Variants in CORIN observed in about 807,000 individuals in gnomAD.
The protein encoded by CORIN is corin, serine peptidase.
CORIN carries 117 observed loss-of-function variants against 125.3 expected under a neutral mutation model. That is an observed-to-expected ratio of 0.93 (90% CI 0.80 to 1.09). The LOEUF is 1.09. Ranked by LOEUF, CORIN falls within the 50% of genes least tolerant of loss-of-function variation. The probability of loss-of-function intolerance (pLI) is 0.00; values close to 1 mark genes in which losing one functional copy is unlikely to be tolerated. For synonymous variants in CORIN, 450 were observed against 466.4 expected (o/e 0.96, Z 0.45); for missense variants, 1,253 against 1,306.7 (o/e 0.96, Z 0.63).
At chr4:47,803,745 T>C (rs913224321) in intron 2 of CORIN, among the ~76,000 whole-genome samples, 6 of 152,176 alleles carry the variant, frequency 3.9e-5, no homozygotes, top group African/African-American at 1.4e-4. Flanking sequence ...CTTCAAACTA[T>C]GAAAATGCTA....
intron 4 of CORIN, among the ~76,000 whole-genome samples, chr4:47,759,873 G>C (rs1365533397): frequency 6.6e-6 from 1 of 152,252 alleles, no homozygotes; most frequent in Non-Finnish European, 1.5e-5. Context: ...TTTAATTATA[G>C]TTCTCTTGCT....
intron 1 of CORIN, among the ~76,000 whole-genome samples, chr4:47,831,063 G>A (rs114166641): frequency 0.017 from 2,591 of 152,282 alleles, 73 homozygotes; most frequent in African/African-American, 0.059. Context: ...CCTGTTGGCC[G>A]ACTGGCCCTT....
intron 5 of CORIN, among the ~76,000 whole-genome samples, chr4:47,707,985 G>C (rs1181826010): frequency 6.6e-6 from 1 of 152,156 alleles, no homozygotes; most frequent in African/African-American, 2.4e-5. Context: ...ACATTCAAGA[G>C]GTGATAACCT....
chr4:47,689,993 T>A (rs905882553), intron 6 of CORIN, among the ~76,000 whole-genome samples: 3 of 152,206 alleles, frequency 2.0e-5, no homozygotes, highest in Non-Finnish European at 4.4e-5. Context: ...ATTTTTCTAC[T>A]GCACCACTAA....
At chr4:47,831,830 T>C (rs1403977527) in intron 1 of CORIN, among the ~76,000 whole-genome samples, 1 of 151,970 alleles carries the variant, frequency 6.6e-6, no homozygotes. Flanking sequence ...GACAAGGTCA[T>C]ACTGGATTAG....
intron 7 of CORIN, chr4:47,683,196 C>T (rs1219436990): frequency 1.3e-5 from 2 of 152,186 alleles, no homozygotes; most frequent in Admixed American, 6.5e-5. Flanking sequence ...GGACATGACT[C>T]TTTAAAAAGT....
At chr4:47,792,933 G>A (rs2109928885) in intron 2 of CORIN, among the ~76,000 whole-genome samples, 1 of 152,318 alleles carries the variant, frequency 6.6e-6, no homozygotes, top group East Asian at 1.9e-4. Flanking sequence ...TAAATCACCA[G>A]TATTGGGGGA....
chr4:47,621,267 T>G (rs766357153), intron 19 of CORIN, among the ~76,000 whole-genome samples: 1 of 152,166 alleles, frequency 6.6e-6, no homozygotes, highest in Non-Finnish European at 1.5e-5. Context: ...AACTTCTTCC[T>G]GGCTTCCTTT....
At chr4:47,666,139 C>T (rs1239774709) in intron 10 of CORIN, among the ~76,000 whole-genome samples, 2 of 152,168 alleles carry the variant, frequency 1.3e-5, no homozygotes, top group Non-Finnish European at 2.9e-5. Flanking sequence ...AGCACAAATA[C>T]CTCTTCCAGG....
intron 5 of CORIN, among the ~76,000 whole-genome samples, chr4:47,699,833 T>C (rs1040246502): frequency 1.3e-5 from 2 of 152,228 alleles, no homozygotes; most frequent in African/African-American, 4.8e-5. Context: ...TTGCTCTTAG[T>C]AGGACAACAG....
chr4:47,718,406 A>T (rs548030957), intron 5 of CORIN, among the ~76,000 whole-genome samples: 107 of 152,322 alleles, frequency 7.0e-4, no homozygotes, highest in African/African-American at 2.5e-3. Flanking sequence ...CATCTGTAAA[A>T]TAAGGATAAT....
chr4:47,735,686 C>G (rs996975012), intron 5 of CORIN, among the ~76,000 whole-genome samples: 1 of 151,862 alleles, frequency 6.6e-6, no homozygotes, highest in Admixed American at 6.6e-5. Context: ...TTTGGAAGGC[C>G]GAGGCGGGCG....
In CORIN at chr4:47,600,245, C is replaced by A; in HGVS notation, c.2915G>T (p.Gly972Val). ...KTITTRMICA[G>V]YESGTVDSCM... ...TGAATCAACTGTGCCAGACTCATAGCCAGCACATATCATCCGAGTGGTGAT... is the reference window on the plus strand; with the variant it reads ...TGAATCAACTGTGCCAGACTCATAGACAGCACATATCATCCGAGTGGTGAT... Residue 972 changes from glycine (G) to valine (V), a missense_variant, in exon 21 of 22, where the codon GGC (glycine) becomes GTC (valine). Transcript: ENST00000273857. 1 of 1,613,574 alleles carries A rather than the reference C, an allele frequency of 6.2e-7. No homozygotes were observed. The highest frequency in any genetic ancestry group is 8.5e-7 in the Non-Finnish European group (1 of 1,179,732).
intron 16 of CORIN, among the ~76,000 whole-genome samples, chr4:47,633,632 T>C (rs1170492117): frequency 6.6e-6 from 1 of 152,230 alleles, no homozygotes; most frequent in Admixed American, 6.5e-5. Context: ...ACTTGACCTT[T>C]TGGGACAACA....
intron 5 of CORIN, among the ~76,000 whole-genome samples, chr4:47,739,392 CAT>C (rs1247561698): frequency 6.6e-6 from 1 of 151,980 alleles, no homozygotes. Flanking sequence ...AGTGGGATAA[CAT>C]ATTCAAAGTG....
At chr4:47,704,994 T>C (rs1394595673) in intron 5 of CORIN, among the ~76,000 whole-genome samples, 1 of 152,190 alleles carries the variant, frequency 6.6e-6, no homozygotes, top group East Asian at 1.9e-4. Flanking sequence ...GGCGACCCAG[T>C]GGATTTCAGC....
intron 5 of CORIN, among the ~76,000 whole-genome samples, chr4:47,735,026 A>C (rs1728060761): frequency 6.6e-6 from 1 of 152,252 alleles, no homozygotes; most frequent in African/African-American, 2.4e-5. Context: ...AAAAGTGCTC[A>C]ATCAATATTG....
intron 1 of CORIN, among the ~76,000 whole-genome samples, chr4:47,818,098 A>G (rs1006490980): frequency 2.0e-5 from 3 of 152,230 alleles, no homozygotes; most frequent in African/African-American, 4.8e-5. Context: ...TGCATTAAAC[A>G]TCCTGTCTCT....
At chr4:47,627,661 C>A (rs569591820) in intron 16 of CORIN, among the ~76,000 whole-genome samples, 1 of 152,176 alleles carries the variant, frequency 6.6e-6, no homozygotes, top group Non-Finnish European at 1.5e-5. Flanking sequence ...AATGCAGAGG[C>A]AAAGTGAGAT....
Sources: gnomAD v4.1 joint callset for allele counts (sites outside exome capture counted in the v4.1 genomes callset) on GRCh38, gnomAD v4.1.1 for gene constraint, MANE v1.5 for transcripts, NCBI Gene and HGNC (gene_info 2026-07-23, HGNC 2026-07-21) for gene names.